The following HMCN2 variants were observed in gnomAD, a reference collection of about 807,000 sequenced individuals.
HMCN2 encodes the protein hemicentin 2.
A neutral mutation model predicts 377.5 loss-of-function variants in HMCN2; 325 were observed. The ratio of observed to expected loss-of-function variants is 0.86; its 90% CI spans 0.79 to 0.94. HMCN2 has a LOEUF of 0.94. Among genes scored for constraint, HMCN2 ranks in the 40% least tolerant of loss-of-function variants. The pLI, the probability that HMCN2 is intolerant of heterozygous loss-of-function variation, is 0.00. For synonymous variants in HMCN2, 2,007 were observed against 2,046.8 expected (o/e 0.98, Z 0.53); for missense variants, 4,543 against 4,725.3 (o/e 0.96, Z 1.13).
rs923998604 is a variant in HMCN2, at chr9:130,358,423, T to C, written c.5614T>C (p.Tyr1872His). The part of the protein sequence containing the change: ...EKVDLRDEGI[Y>H]TCAATNLAGE... ...GGTGGACCTGAGGGACGAGGGCATC[T>C]ACACTTGTGCTGCTACCAACCTGGC... is the stretch of plus-strand genomic sequence containing the variant. The change falls in exon 36 of 98, where the codon TAC becomes CAC. Residue 1872 changes from tyrosine (Y) to histidine (H), a missense_variant. Physicochemically the swap from Tyr to His is moderately conservative, Grantham distance 83. Coordinates refer to ENST00000683500, the MANE Select transcript of HMCN2 (RefSeq NM_001291815.2). 2.3e-6 allele frequency: 3 copies of C among 1,304,230 alleles called. No individual in the cohort carries two copies. The highest frequency in any genetic ancestry group is 3.0e-6 in the Non-Finnish European group (3 of 988,970). 80.8% of individuals were successfully genotyped at this position (1,304,230 alleles called of 1,614,324 possible). A position where few individuals can be genotyped will look rare whatever the true frequency, so the allele number is the denominator to read the frequency against.
At position 130,406,582 on chromosome 9, in the gene HMCN2, G is replaced by A. The variant is rs2131735174; in HGVS notation, c.12553+414G>A. 1.5e-5 allele frequency: 3 copies of A among 201,956 alleles called. No homozygotes were observed. The South Asian group carries it at 2.8e-4, about 19-fold the overall frequency. The allele number at this position is 201,956 out of a possible 1,614,324, so 12.5% of individuals were successfully genotyped here. A position where few individuals can be genotyped will look rare whatever the true frequency, so the allele number is the denominator to read the frequency against. ...GTGGAGTACCTGCTGGGTACTCAAT[G>A]TTTGCTGAATTGATAAATTGCTAAG... On this transcript the variant is annotated intron_variant, in intron 82 of 97. Transcript: ENST00000683500.
intron 47 of HMCN2, 60 bp from the exon 48 acceptor site, chr9:130,372,978 G>A: frequency 7.3e-6 from 1 of 136,670 alleles, no homozygotes; most frequent in Non-Finnish European, 1.5e-5. Context: ...TGTGTAGCCT[G>A]GGCGGGCCAG....
intron 19 of HMCN2, among the ~76,000 whole-genome samples, chr9:130,325,096 C>CTTCTTCT (rs1554943189): frequency 2.3e-5 from 3 of 128,066 alleles, no homozygotes; most frequent in African/African-American, 8.7e-5. Context: ...TCTTCTTCTT[C>CTTCTTCT]TTTTTTTTTT....
chr9:130,324,770 G>A (rs898828002), intron 19 of HMCN2, among the ~76,000 whole-genome samples: 3 of 151,360 alleles, frequency 2.0e-5, no homozygotes, highest in Admixed American at 6.6e-5. Flanking sequence ...GACTGCAGGC[G>A]CCCGCCACTG....
At chr9:130,431,752 G>A (rs1167316732) in intron 96 of HMCN2, among the ~76,000 whole-genome samples, 2 of 152,252 alleles carry the variant, frequency 1.3e-5, no homozygotes, top group Non-Finnish European at 2.9e-5. Flanking sequence ...TAGCACTGCT[G>A]TGTGTCCCTG....
intron 66 of HMCN2, among the ~76,000 whole-genome samples, chr9:130,392,790 A>G (rs1261862892): frequency 1.3e-5 from 2 of 152,082 alleles, no homozygotes; most frequent in Non-Finnish European, 2.9e-5. Flanking sequence ...AGGTCAGGAG[A>G]TCAAGACCAT....
In HMCN2 at chr9:130,345,941, G is replaced by A. The variant is rs968629402; in HGVS notation, c.3830-1225G>A. ...GCCTTCCACATGCCATGTCTTCCCCGCCACCATGCTTACTGGTCCTTCCAA... is the reference window on the plus strand; with the variant it reads ...GCCTTCCACATGCCATGTCTTCCCCACCACCATGCTTACTGGTCCTTCCAA... On this transcript the variant is annotated intron_variant, in intron 25 of 97. Coordinates refer to ENST00000683500, the MANE Select transcript of HMCN2 (RefSeq NM_001291815.2). 2.8e-4 allele frequency among the ~76,000 whole-genome samples: 43 copies of A among 152,038 alleles called. No homozygotes were observed. The East Asian group carries it at 6.8e-3, about 24-fold the overall frequency.
intron 95 of HMCN2, chr9:130,431,136 G>T (rs1163803183): frequency 1.7e-6 from 1 of 582,896 alleles, no homozygotes; most frequent in Non-Finnish European, 3.1e-6. Context: ...GGTGCTGCTT[G>T]CTCCTTCTAT....
In HMCN2 at chr9:130,397,626, A is replaced by G; in HGVS notation, c.11297A>G (p.Asp3766Gly). ...CTGGCATCCAACTCTGCTGGCTCCG[A>G]TCGTCAAGGCCGTGACCTACGGGTC... ...LCLASNSAGSDRQGRDLRVLE... is the reference protein window; with the variant it reads ...LCLASNSAGSGRQGRDLRVLE... The change falls in exon 74 of 98, where the codon GAT (aspartate) becomes GGT (glycine). Residue 3766 changes from aspartate (D) to glycine (G), a missense_variant. Transcript: ENST00000683500. 1 of 1,289,756 alleles carries G rather than the reference A, an allele frequency of 7.8e-7. No individual in the cohort carries two copies. The highest frequency in any genetic ancestry group is 2.1e-4 in the Middle Eastern group (1 of 4,696). 79.9% of individuals were successfully genotyped at this position (1,289,756 alleles called of 1,614,324 possible).
chr9:130,391,835 C>T lies in HMCN2; in HGVS notation c.9953-100C>T, dbSNP rs993122227. On this transcript the variant is annotated intron_variant, in intron 65 of 97. Coordinates refer to ENST00000683500, the MANE Select transcript of HMCN2 (RefSeq NM_001291815.2). ...CACAAGGGACCACTGTGGTTGCTGG[C>T]GGCAGAAGTCCAGGTCTCCACTTCT... 1.9e-5 allele frequency: 14 copies of T among 731,864 alleles called. No individual in the cohort carries two copies. The South Asian group carries it at 4.3e-4, about 22-fold the overall frequency. 45.3% of individuals were successfully genotyped at this position (731,864 alleles called of 1,614,324 possible).
chr9:130,348,709 T>C (rs1169551338), intron 27 of HMCN2, 34 bp downstream of exon 27: 2 of 565,630 alleles, frequency 3.5e-6, no homozygotes, highest in African/African-American at 4.0e-5. Context: ...GGGGTATGGG[T>C]GGGATTTAGG....
At chr9:130,377,497 T>C (rs1246339245) in intron 52 of HMCN2, among the ~76,000 whole-genome samples, 152 bp from the exon 53 acceptor site, 1 of 152,268 alleles carries the variant, frequency 6.6e-6, no homozygotes, top group Non-Finnish European at 1.5e-5. Context: ...CTTTAGGCTC[T>C]ATGGATTTGG....
At chr9:130,432,360 G>A (rs1241523235) in intron 96 of HMCN2, 69 bp from the exon 97 acceptor site, 18 of 1,459,436 alleles carry the variant, frequency 1.2e-5, no homozygotes, top group African/African-American at 4.2e-5. Context: ...TTCTCCCCAC[G>A]CACTCCCCCC....
chr9:130,414,709 C>T lies in HMCN2; in HGVS notation c.12961+4057C>T, dbSNP rs776663471. On this transcript the variant is annotated intron_variant, in intron 85 of 97. Transcript: ENST00000683500. The surrounding 1 kb of genome is among the most constrained non-coding windows in gnomAD (Gnocchi z 4.4). ...TCACTGCAGCCTGGGCTCGGGTGATCATCCCATCTCAGCCTCCCAAGTAGC... is the reference window on the plus strand; with the variant it reads ...TCACTGCAGCCTGGGCTCGGGTGATTATCCCATCTCAGCCTCCCAAGTAGC... 1.3e-5 allele frequency among the ~76,000 whole-genome samples: 2 copies of T among 151,604 alleles called. No individual in the cohort carries two copies. Among genetic ancestry groups the T allele is most frequent in the Non-Finnish European group, 2.9e-5 (2 of 67,930 alleles).
intron 97 of HMCN2, 136 bp from the exon 98 acceptor site, chr9:130,433,211 TG>T: frequency 1.6e-6 from 1 of 629,778 alleles, no homozygotes. Context: ...AGAAGGCGTG[TG>T]GGGCTCTGCG....
intron 27 of HMCN2, 43 bp downstream of exon 27, chr9:130,348,718 G>T: frequency 7.7e-7 from 1 of 1,297,806 alleles, no homozygotes. Flanking sequence ...GTGGGATTTA[G>T]GCTGGGGACA....
At chr9:130,300,858 G>A (rs1722998403) in intron 8 of HMCN2, among the ~76,000 whole-genome samples, 1 of 152,214 alleles carries the variant, frequency 6.6e-6, no homozygotes, top group African/African-American at 2.4e-5. Flanking sequence ...GTCTGCCCCT[G>A]GTCCTAACAG....
At chr9:130,267,476 A>G (rs7022902) in intron 1 of HMCN2, among the ~76,000 whole-genome samples, 58,118 of 149,814 alleles carry the variant, frequency 0.39, 11,962 homozygotes, top group East Asian at 0.81. Context: ...ACACACACAC[A>G]CGCACAGATT....
At chr9:130,418,239 G>A (rs1296784641) in intron 85 of HMCN2, among the ~76,000 whole-genome samples, 8 of 152,208 alleles carry the variant, frequency 5.3e-5, no homozygotes, top group Admixed American at 5.2e-4. Flanking sequence ...TGCATGGAAA[G>A]GTAGTTACGA....
Sources: allele counts gnomAD v4.1 joint callset (sites outside exome capture counted in the v4.1 genomes callset), GRCh38; gene constraint gnomAD v4.1.1; non-coding constraint Gnocchi (gnomAD v3.1); transcripts MANE v1.5; gene names NCBI Gene and HGNC (gene_info 2026-07-23, HGNC 2026-07-21).